SLC24A4: variants seen among roughly 807,000 people sequenced by gnomAD.
SLC24A4 encodes solute carrier family 24 member 4, also known as sodium/potassium/calcium exchanger 4.
A neutral mutation model predicts 79.0 loss-of-function variants in SLC24A4; 53 were observed. That is an observed-to-expected ratio of 0.67 (90% CI 0.54 to 0.84). The LOEUF is 0.84. Ranked by LOEUF, SLC24A4 falls within the 40% of genes least tolerant of loss-of-function variation. The pLI is 0.00. For missense variants in SLC24A4, 731 were observed against 822.0 expected (o/e 0.89, Z 1.35); for synonymous variants, 323 against 323.8 (o/e 1.00, Z 0.03).
chr14:92,326,977 A>G (rs1885179451), intron 2 of SLC24A4, among the ~76,000 whole-genome samples: 1 of 152,096 alleles, frequency 6.6e-6, no homozygotes. Flanking sequence ...GCAGGGTTGG[A>G]TGGCAGTCCC....
At chr14:92,414,562 C>T (rs1890882181) in intron 2 of SLC24A4, among the ~76,000 whole-genome samples, 1 of 151,950 alleles carries the variant, frequency 6.6e-6, no homozygotes, top group Non-Finnish European at 1.5e-5. Context: ...ACAGTGAGAC[C>T]CCAGCTCTAC....
intron 12 of SLC24A4, among the ~76,000 whole-genome samples, chr14:92,480,676 C>T (rs1895018703): frequency 6.6e-6 from 1 of 152,132 alleles, no homozygotes; most frequent in South Asian, 2.1e-4. Flanking sequence ...TAGTGTGTTA[C>T]ATTTTTTTGA....
intron 12 of SLC24A4, among the ~76,000 whole-genome samples, chr14:92,469,035 G>A (rs1894285183): frequency 6.6e-6 from 1 of 151,966 alleles, no homozygotes; most frequent in African/African-American, 2.4e-5. Context: ...GCTAATAAGG[G>A]TATGCAAAGA....
intron 12 of SLC24A4, among the ~76,000 whole-genome samples, chr14:92,470,951 G>T (rs1177578692): frequency 1.3e-5 from 2 of 152,180 alleles, no homozygotes; most frequent in African/African-American, 4.8e-5. Context: ...CCATCTCTCA[G>T]CATTGCTTTC....
intron 2 of SLC24A4, among the ~76,000 whole-genome samples, chr14:92,376,923 G>A (rs75825340): frequency 7.9e-5 from 12 of 152,310 alleles, no homozygotes; most frequent in African/African-American, 2.6e-4. Flanking sequence ...CACACCCCAG[G>A]ACCAAGAACT....
At position 92,501,108 on chromosome 14, in the gene SLC24A4, C is replaced by A. The variant is rs187369308; in HGVS notation, c.*7480C>A. 3.5e-4 allele frequency: 54 copies of A among 152,348 alleles called. No homozygotes were observed. The East Asian group carries it at 0.01, about 29-fold the overall frequency. 9.4% of individuals were successfully genotyped at this position (152,348 alleles called of 1,614,324 possible). ...GGCTGTTCACACATTGTTCAAGTCA[C>A]CCCAAGATCGTTCTGGCACGCTGAG... On this transcript the variant is annotated 3_prime_UTR_variant, in exon 17 of 17. Transcript: ENST00000532405.
chr14:92,447,250 C>G, intron 8 of SLC24A4, 121 bp from the exon 9 acceptor site: 1 of 824,292 alleles, frequency 1.2e-6, no homozygotes, highest in Non-Finnish European at 2.0e-6. Flanking sequence ...GTTCTGGGCC[C>G]GGCACTAGGG....
At chr14:92,482,071 T>C (rs1330200241) in intron 12 of SLC24A4, among the ~76,000 whole-genome samples, 2 of 152,194 alleles carry the variant, frequency 1.3e-5, no homozygotes, top group African/African-American at 2.4e-5. Context: ...GGAGCTGAGA[T>C]TTCCAAAGCA....
chr14:92,461,632 T>G (rs2402148), intron 12 of SLC24A4, among the ~76,000 whole-genome samples: 148,939 of 152,212 alleles, frequency 0.98, 72,959 homozygotes, highest in East Asian at 1. Flanking sequence ...CCACTCTTAG[T>G]ACCTTAATTA....
At chr14:92,474,843 G>GTGTGTGTGTGTGTATA (rs779007741) in intron 12 of SLC24A4, among the ~76,000 whole-genome samples, 4 of 23,884 alleles carry the variant, frequency 1.7e-4, no homozygotes, top group Non-Finnish European at 2.4e-4. Flanking sequence ...GTGTGTGTGT[G>GTGTGTGTGTGTGTATA]TATATATATA....
Position 92,483,832 on chromosome 14 carries a change from TCTC to T in SLC24A4, c.1422+992_1422+994del, listed in dbSNP as rs1045436105. 144 of 1,289,780 alleles carry T rather than the reference TCTC, an allele frequency of 1.1e-4. No individual in the cohort carries two copies. In the African/African-American group the frequency reaches 1.9e-3, roughly 17 times the overall value. 79.9% of individuals were successfully genotyped at this position (1,289,780 alleles called of 1,614,324 possible). ...AGTGGTTAACATCGAGTCCCTTTAT[TCTC>T]CTCCTAATGCCTGACACCAGCAGCA... On this transcript the variant is annotated intron_variant, in intron 13 of 16. Transcript: ENST00000532405.
rs151142678 is a variant in SLC24A4 at position 92,493,629 on chromosome 14, C to T, written c.*1C>T. The T allele has an allele frequency of 2.8e-3, 4,473 of 1,613,912 alleles. 14 individuals are homozygous for T. The highest frequency in any genetic ancestry group is 3.2e-3 in the Non-Finnish European group (3,735 of 1,179,872). ...GCCGATGTGCCGGGAAGACGATTAG[C>T]GCTGAGTCGCGGCCCCTGGGAGCTG... On this transcript the variant is annotated 3_prime_UTR_variant, in exon 17 of 17. Transcript: ENST00000532405.
chr14:92,368,396 AT>A (rs534839950), intron 2 of SLC24A4, among the ~76,000 whole-genome samples: 32 of 150,730 alleles, frequency 2.1e-4, no homozygotes, highest in East Asian at 1.9e-3. Context: ...GATTTGGATA[AT>A]TTTTTTTTTC....
At chr14:92,407,824 A>G (rs1385373622) in intron 2 of SLC24A4, among the ~76,000 whole-genome samples, 1 of 151,892 alleles carries the variant, frequency 6.6e-6, no homozygotes, top group African/African-American at 2.4e-5. Flanking sequence ...ACCATATCAC[A>G]GGGTGATCAG....
At chr14:92,447,616 C>T (rs1288777523) in intron 9 of SLC24A4, among the ~76,000 whole-genome samples, 192 bp downstream of exon 9, 3 of 152,148 alleles carry the variant, frequency 2.0e-5, no homozygotes, top group Admixed American at 6.5e-5. Flanking sequence ...CCGGGGGTGC[C>T]GTCCACACTG....
intron 2 of SLC24A4, among the ~76,000 whole-genome samples, chr14:92,357,871 A>C (rs1887271291): frequency 6.6e-6 from 1 of 152,250 alleles, no homozygotes. Flanking sequence ...AATGTCTGCA[A>C]CTTAAAATAT....
At chr14:92,459,486 C>T (rs532963872) in intron 12 of SLC24A4, among the ~76,000 whole-genome samples, 1 of 152,302 alleles carries the variant, frequency 6.6e-6, no homozygotes, top group South Asian at 2.1e-4. Context: ...CCACCTTCTT[C>T]CTCAAGCCAG....
At chr14:92,423,686 C>T (rs897280038) in intron 2 of SLC24A4, among the ~76,000 whole-genome samples, 1 of 152,208 alleles carries the variant, frequency 6.6e-6, no homozygotes, top group East Asian at 1.9e-4. Flanking sequence ...AGTCAGCTGT[C>T]ATCACTTGCG....
intron 13 of SLC24A4, 124 bp downstream of exon 13, chr14:92,482,970 A>T: frequency 1.1e-6 from 1 of 915,308 alleles, no homozygotes; most frequent in South Asian, 1.8e-5. Flanking sequence ...CACTGACCAC[A>T]GCGTATTTCT....
Sources: allele counts gnomAD v4.1 joint callset (sites outside exome capture counted in the v4.1 genomes callset), GRCh38; gene constraint gnomAD v4.1.1; transcripts MANE v1.5; gene names NCBI Gene and HGNC (gene_info 2026-07-23, HGNC 2026-07-21).